Variants in KAZN observed in about 807,000 individuals in gnomAD.
KAZN encodes kazrin.
KAZN carries 40 observed loss-of-function variants against 87.4 expected under a neutral mutation model. That is an observed-to-expected ratio of 0.46 (90% CI 0.36 to 0.60). KAZN has a LOEUF of 0.60. Ranked by LOEUF, KAZN falls within the 20% of genes least tolerant of loss-of-function variation. The probability of loss-of-function intolerance (pLI) is 0.00; values close to 1 mark genes in which losing one functional copy is unlikely to be tolerated. For missense variants in KAZN, 898 were observed against 1,073.9 expected (o/e 0.84, Z 2.29); for synonymous variants, 466 against 458.3 (o/e 1.02, Z -0.22).
At chr1:14,692,186 T>C (rs1430768411) in intron 1 of KAZN, 2 of 428,478 alleles carry the variant, frequency 4.7e-6, no homozygotes, top group Admixed American at 8.1e-5. Context: ...CCTCAGTGTC[T>C]TCCAAGTCTT....
intron 2 of KAZN, among the ~76,000 whole-genome samples, chr1:14,580,105 C>A (rs1330556534): frequency 6.6e-6 from 1 of 152,068 alleles, no homozygotes; most frequent in East Asian, 1.9e-4. Flanking sequence ...ATTCACTGAC[C>A]GTCACTGGGA....
chr1:13,956,697 T>C (rs559372964), intron 1 of KAZN, among the ~76,000 whole-genome samples: 1 of 152,332 alleles, frequency 6.6e-6, no homozygotes, highest in East Asian at 1.9e-4. Flanking sequence ...TGGAGCATGA[T>C]ATGCACCCAC....
chr1:14,188,327 C>T (rs1171210488), intron 2 of KAZN, among the ~76,000 whole-genome samples: 1 of 151,832 alleles, frequency 6.6e-6, no homozygotes, highest in Non-Finnish European at 1.5e-5. Context: ...TTGGAAATAG[C>T]TCCCCTGAGA....
At chr1:14,704,180 A>G (rs1439308760) in intron 1 of KAZN, among the ~76,000 whole-genome samples, 1 of 152,242 alleles carries the variant, frequency 6.6e-6, no homozygotes, top group African/African-American at 2.4e-5. Context: ...CTGTACCAAC[A>G]GACGGTCCTC....
In KAZN at chr1:14,789,413, A is replaced by G. The variant is rs3765387; in HGVS notation, c.227-171271A>G. 8.7e-3 allele frequency among the ~76,000 whole-genome samples: 1,331 copies of G among 152,126 alleles called. 42 individuals are homozygous for G. In the East Asian group the frequency reaches 0.12, roughly 14 times the overall value. On this transcript the variant is annotated intron_variant, in intron 1 of 14. Transcript: ENST00000376030. ...GACCTGCTTCCCTCTGCTTCCCCAC[A>G]TGCCCCACTGTCCAGGCAAATGGAA...
At chr1:14,512,721 G>A (rs1469563573) in intron 2 of KAZN, among the ~76,000 whole-genome samples, 1 of 152,220 alleles carries the variant, frequency 6.6e-6, no homozygotes. Flanking sequence ...CACATTCTAT[G>A]CCCAGATTCC....
exon 1 of KAZN, chr1:13,892,827 A>AT (rs1213262352): frequency 6.6e-6 from 1 of 152,328 alleles, no homozygotes; most frequent in Non-Finnish European, 1.5e-5. Context: ...CGCATCCAGA[A>AT]TATCTCCCAG....
At chr1:14,753,660 C>T (rs1255420063) in intron 1 of KAZN, among the ~76,000 whole-genome samples, 8 of 152,102 alleles carry the variant, frequency 5.3e-5, no homozygotes, top group Non-Finnish European at 8.8e-5. Flanking sequence ...TGAATGGAAA[C>T]AAACTTAGTT....
chr1:14,423,788 ACT>A (rs750012332), intron 2 of KAZN, among the ~76,000 whole-genome samples: 3 of 151,864 alleles, frequency 2.0e-5, no homozygotes, highest in Admixed American at 6.6e-5. Flanking sequence ...GGACATCAAA[ACT>A]CTCTCCTGGG....
At chr1:14,731,285 A>G (rs927250559) in intron 1 of KAZN, among the ~76,000 whole-genome samples, 3 of 152,274 alleles carry the variant, frequency 2.0e-5, no homozygotes, top group African/African-American at 7.2e-5. Flanking sequence ...CCATTTTCCC[A>G]TCTGTTTTGA....
chr1:14,188,194 CGTGTGTGTGTGTGTGTGTGTGTGT>C (rs3033865), intron 2 of KAZN, among the ~76,000 whole-genome samples: 3 of 140,150 alleles, frequency 2.1e-5, no homozygotes, highest in East Asian at 4.2e-4. Context: ...GAGAGAGGAG[CGTGTGTGTGTGTGTGTGTGTGTGT>C]GTGTGTGTGT....
chr1:14,001,735 T>C (rs533687388), intron 1 of KAZN, among the ~76,000 whole-genome samples: 1 of 151,722 alleles, frequency 6.6e-6, no homozygotes, highest in African/African-American at 2.4e-5. Context: ...ACAAACCTGA[T>C]AAAAAGCAAT....
At chr1:14,801,313 C>A (rs929700847) in intron 1 of KAZN, among the ~76,000 whole-genome samples, 3 of 152,176 alleles carry the variant, frequency 2.0e-5, no homozygotes, top group Non-Finnish European at 4.4e-5. Flanking sequence ...AGGAGAAAGT[C>A]TGTGCCGTTA....
chr1:14,058,091 G>A (rs1433647959), intron 1 of KAZN, among the ~76,000 whole-genome samples: 2 of 152,082 alleles, frequency 1.3e-5, no homozygotes, highest in Non-Finnish European at 2.9e-5. Flanking sequence ...TGCCCAGGTG[G>A]GGATGTCACA....
At chr1:14,226,042 CAAAAAACA>C (rs1309645650) in intron 2 of KAZN, among the ~76,000 whole-genome samples, 1 of 150,950 alleles carries the variant, frequency 6.6e-6, no homozygotes, top group Non-Finnish European at 1.5e-5. Context: ...TTCTGCACAG[CAAAAAACA>C]AAAAAACAAA....
chr1:14,974,635 A>G (rs910244421), intron 2 of KAZN, among the ~76,000 whole-genome samples: 1 of 152,256 alleles, frequency 6.6e-6, no homozygotes, highest in Non-Finnish European at 1.5e-5. Flanking sequence ...CCTACTCAGT[A>G]ATAAAGCAAC....
chr1:14,523,080 C>T (rs182568289), intron 2 of KAZN, among the ~76,000 whole-genome samples: 25 of 152,256 alleles, frequency 1.6e-4, no homozygotes, highest in Non-Finnish European at 2.9e-4. Flanking sequence ...TCTACTGGTC[C>T]CTCCAGGTTG....
At chr1:14,022,072 A>G (rs1640854311) in intron 1 of KAZN, among the ~76,000 whole-genome samples, 1 of 151,410 alleles carries the variant, frequency 6.6e-6, no homozygotes, top group Admixed American at 6.6e-5. Flanking sequence ...CCGGGTAAAT[A>G]AAGAATGACA....
At chr1:14,673,195 C>T (rs1169570899) in intron 1 of KAZN, among the ~76,000 whole-genome samples, 1 of 152,200 alleles carries the variant, frequency 6.6e-6, no homozygotes, top group Non-Finnish European at 1.5e-5. Flanking sequence ...GCCACTGTCC[C>T]TGTGTCCCAT....
Sources: allele counts gnomAD v4.1 joint callset (sites outside exome capture counted in the v4.1 genomes callset), GRCh38; gene constraint gnomAD v4.1.1; transcripts MANE v1.5; gene names NCBI Gene and HGNC (gene_info 2026-07-23, HGNC 2026-07-21).